SUPT3H: variants seen among roughly 807,000 people sequenced by gnomAD.
The protein encoded by SUPT3H is transcription initiation protein SPT3 homolog.
SUPT3H carries 44 observed loss-of-function variants against 44.3 expected under a neutral mutation model. The observed-to-expected ratio is 0.99, with a 90% confidence interval of 0.78 to 1.28. SUPT3H has a LOEUF of 1.28. Ranked by LOEUF, SUPT3H falls within the 50% of genes most tolerant of loss-of-function variation. The pLI is 0.00. For missense variants in SUPT3H, 380 were observed against 387.1 expected (o/e 0.98, Z 0.15); for synonymous variants, 124 against 125.6 (o/e 0.99, Z 0.09).
rs561773069 is a variant in SUPT3H, at chr6:45,247,531, T to C, written c.101+117670A>G. On this transcript the variant is annotated intron_variant, in intron 2 of 10. Coordinates refer to ENST00000371459, the MANE Select transcript of SUPT3H (RefSeq NM_003599.4). ...CATGACCAACCCTTAATAAAAAAAC[T>C]CTTAAGTCTTAAGGGGGCTTTCTAG... Among the ~76,000 whole-genome samples the C allele has an allele frequency of 6.3e-4, 96 of 152,252 alleles. 1 individual carries two copies. In the South Asian group the frequency reaches 0.019, roughly 30 times the overall value.
intron 3 of SUPT3H, among the ~76,000 whole-genome samples, chr6:45,062,634 C>A (rs938067646): frequency 6.6e-6 from 1 of 152,226 alleles, no homozygotes; most frequent in African/African-American, 2.4e-5. Flanking sequence ...CAGGGCGAGG[C>A]ATTGCCTCAC....
chr6:45,275,906 G>C (rs1277944271), intron 2 of SUPT3H, among the ~76,000 whole-genome samples: 1 of 152,014 alleles, frequency 6.6e-6, no homozygotes, highest in Non-Finnish European at 1.5e-5. Context: ...ACACTGAAAA[G>C]TCTCCCTCCT....
intron 1 of SUPT3H, among the ~76,000 whole-genome samples, chr6:45,370,841 C>T (rs542822350): frequency 6.6e-6 from 1 of 152,186 alleles, no homozygotes; most frequent in South Asian, 2.1e-4. Flanking sequence ...CTAGCATATC[C>T]TCCTTCTTTA....
intron 2 of SUPT3H, among the ~76,000 whole-genome samples, chr6:45,334,684 A>G (rs986085577): frequency 6.6e-6 from 1 of 151,218 alleles, no homozygotes; most frequent in African/African-American, 2.4e-5. Flanking sequence ...ATTTTTATAC[A>G]TGGCATATAC....
At chr6:44,954,171 T>C (rs190155969) in intron 8 of SUPT3H, among the ~76,000 whole-genome samples, 1 of 152,170 alleles carries the variant, frequency 6.6e-6, no homozygotes, top group Non-Finnish European at 1.5e-5. Context: ...CTCACATACG[T>C]AGAAAGGTGT....
intron 2 of SUPT3H, among the ~76,000 whole-genome samples, chr6:45,286,539 G>A (rs561369315): frequency 4.4e-4 from 67 of 152,308 alleles, no homozygotes; most frequent in Middle Eastern, 3.4e-3. Context: ...AAACGACAAT[G>A]AGATACCAAC....
At chr6:45,240,336 C>T (rs924681428) in intron 2 of SUPT3H, among the ~76,000 whole-genome samples, 9 of 152,152 alleles carry the variant, frequency 5.9e-5, no homozygotes, top group African/African-American at 1.7e-4. Context: ...TCACTACTGC[C>T]GTGAGTATTC....
At chr6:44,847,404 C>T (rs1400143907) in intron 10 of SUPT3H, among the ~76,000 whole-genome samples, 1 of 152,150 alleles carries the variant, frequency 6.6e-6, no homozygotes, top group Non-Finnish European at 1.5e-5. Context: ...TTACGTATAC[C>T]TATCGCCACT....
intron 2 of SUPT3H, among the ~76,000 whole-genome samples, chr6:45,171,875 G>A (rs927942751): frequency 8.6e-5 from 13 of 150,974 alleles, no homozygotes; most frequent in African/African-American, 2.4e-4. Context: ...GCAACACCAC[G>A]CCCAGCTAAT....
intron 2 of SUPT3H, among the ~76,000 whole-genome samples, chr6:45,304,692 G>A (rs955964449): frequency 2.0e-5 from 3 of 152,030 alleles, no homozygotes; most frequent in South Asian, 2.1e-4. Context: ...CCAAAAATAC[G>A]AATAGAAAAG....
rs1186992293 is a variant in SUPT3H at position 44,827,427 on chromosome 6, GACC to G, written c.*2386_*2388del. ...TGTATAATACCGACTGAAAATTAGG[GACC>G]ATCGATTCTCATCTCTGGTCTGTCA... On this transcript the variant is annotated 3_prime_UTR_variant, in exon 11 of 11. Coordinates refer to ENST00000371459, the MANE Select transcript of SUPT3H (RefSeq NM_003599.4). Among the ~76,000 whole-genome samples the G allele has an allele frequency of 6.6e-6, 1 of 151,990 alleles. No individual in the cohort carries two copies. The highest frequency in any genetic ancestry group is 1.5e-5 in the Non-Finnish European group (1 of 67,956).
At chr6:44,869,683 A>G (rs961863653) in intron 10 of SUPT3H, among the ~76,000 whole-genome samples, 11 of 152,314 alleles carry the variant, frequency 7.2e-5, no homozygotes, top group African/African-American at 2.6e-4. Context: ...CCCTTGCTCT[A>G]AGACTCCTTG....
At chr6:45,069,851 A>G (rs1330284494) in intron 3 of SUPT3H, among the ~76,000 whole-genome samples, 4 of 131,994 alleles carry the variant, frequency 3.0e-5, no homozygotes, top group Non-Finnish European at 6.7e-5. Flanking sequence ...GATAACTTCC[A>G]TGACACAAAG....
Position 44,956,115 on chromosome 6 carries a change from G to A in SUPT3H, c.581-1508C>T, listed in dbSNP as rs1381375946. Among the ~76,000 whole-genome samples the A allele has an allele frequency of 4.1e-5, 6 of 146,394 alleles. No homozygotes were observed. In the East Asian group the frequency reaches 8.2e-4, roughly 20 times the overall value. ...CCAGCCTGGGCGAGTGCGAGACTCC[G>A]TCTCAAAAAAAAAAAAGATTCATGT... is the stretch of plus-strand genomic sequence containing the variant. On this transcript the variant is annotated intron_variant, in intron 7 of 10. Transcript: ENST00000371459.
intron 2 of SUPT3H, chr6:45,159,403 G>A (rs1808564951): frequency 6.6e-6 from 1 of 152,136 alleles, no homozygotes; most frequent in Middle Eastern, 3.2e-3. Context: ...CAATTAGCAT[G>A]ATCAGTTATC....
chr6:44,973,847 A>G (rs1160646294), intron 6 of SUPT3H, among the ~76,000 whole-genome samples: 1 of 152,152 alleles, frequency 6.6e-6, no homozygotes, highest in Non-Finnish European at 1.5e-5. Flanking sequence ...TTATAAAACC[A>G]TCAGATCTCC....
At chr6:45,365,140 T>C (rs1794909849) in intron 2 of SUPT3H, 61 bp downstream of exon 2, 8 of 1,015,086 alleles carry the variant, frequency 7.9e-6, no homozygotes, top group African/African-American at 1.6e-5. Flanking sequence ...TTATGTCTAT[T>C]GTCTTTCAAC....
intron 9 of SUPT3H, among the ~76,000 whole-genome samples, chr6:44,944,074 C>G (rs1047038605): frequency 6.6e-6 from 1 of 151,544 alleles, no homozygotes; most frequent in East Asian, 1.9e-4. Flanking sequence ...TTATTTAAGA[C>G]AAAAATTATG....
At position 44,884,313 on chromosome 6, in the gene SUPT3H, C is replaced by T. The variant is rs576869315; in HGVS notation, c.912+48340G>A. On this transcript the variant is annotated intron_variant, in intron 10 of 10. Coordinates refer to ENST00000371459, the MANE Select transcript of SUPT3H (RefSeq NM_003599.4). ...ATCAAACCATAATGAGATACCATCTCACGCCAGTTAGAATGGTGATCATTA... is the reference window on the plus strand; with the variant it reads ...ATCAAACCATAATGAGATACCATCTTACGCCAGTTAGAATGGTGATCATTA... Among the ~76,000 whole-genome samples the T allele has an allele frequency of 3.4e-3, 520 of 152,270 alleles. 3 individuals are homozygous for T. Among genetic ancestry groups the T allele is most frequent in the Non-Finnish European group, 5.9e-3 (400 of 68,024 alleles).
Sources: gnomAD v4.1 joint callset for allele counts (sites outside exome capture counted in the v4.1 genomes callset) on GRCh38, gnomAD v4.1.1 for gene constraint, MANE v1.5 for transcripts, NCBI Gene and HGNC (gene_info 2026-07-23, HGNC 2026-07-21) for gene names.